GGT7: variants seen among roughly 807,000 people sequenced by gnomAD.
GGT7 encodes gamma-glutamyltransferase 7, also known as glutathione hydrolase 7.
GGT7 carries 30 observed loss-of-function variants against 69.2 expected under a neutral mutation model. That is an observed-to-expected ratio of 0.43 (90% CI 0.32 to 0.59). The LOEUF is 0.59. Among genes scored for constraint, GGT7 ranks in the 20% least tolerant of loss-of-function variants. GGT7 has a pLI of 0.05. For synonymous variants in GGT7, 388 were observed against 391.8 expected (o/e 0.99, Z 0.12); for missense variants, 733 against 901.1 (o/e 0.81, Z 2.39).
At chr20:34,864,534 A>G (rs1484743131) in intron 1 of GGT7, among the ~76,000 whole-genome samples, 1 of 151,970 alleles carries the variant, frequency 6.6e-6, no homozygotes, top group African/African-American at 2.4e-5. Flanking sequence ...CAGCCTGGCC[A>G]ACATGGTGAA....
chr20:34,862,754 G>A, intron 3 of GGT7, 60 bp downstream of exon 3: 3 of 1,534,648 alleles, frequency 2.0e-6, no homozygotes, highest in Non-Finnish European at 2.7e-6. Flanking sequence ...TGCACATGAG[G>A]CCTACAGACC....
intron 14 of GGT7, among the ~76,000 whole-genome samples, chr20:34,847,349 A>G (rs2079318105): frequency 6.6e-6 from 1 of 152,132 alleles, no homozygotes; most frequent in Admixed American, 6.6e-5. Flanking sequence ...CCTAAATAAG[A>G]CAAATCAGGT....
At chr20:34,852,812 T>C (rs1402458899) in intron 10 of GGT7, among the ~76,000 whole-genome samples, 2 of 152,252 alleles carry the variant, frequency 1.3e-5, no homozygotes, top group Non-Finnish European at 2.9e-5. Context: ...TTCTTAATCC[T>C]TTCTATGAAA....
chr20:34,857,651 T>C (rs1461824057), intron 7 of GGT7, among the ~76,000 whole-genome samples: 1 of 148,776 alleles, frequency 6.7e-6, no homozygotes, highest in African/African-American at 2.5e-5. Flanking sequence ...AGGGTCTCAT[T>C]CTGTCGCCCA....
intron 8 of GGT7, among the ~76,000 whole-genome samples, chr20:34,855,814 T>TGTGTGTGTGTGTGTGTGTGTGTGAGAGA (rs56219337): frequency 2.8e-5 from 4 of 144,518 alleles, no homozygotes; most frequent in African/African-American, 8.0e-5. Flanking sequence ...TGTGTGTGTG[T>TGTGTGTGTGTGTGTGTGTGTGTGAGAGA]GATAATGGTC....
intron 1 of GGT7, among the ~76,000 whole-genome samples, chr20:34,870,686 G>A (rs1374585389): frequency 6.6e-6 from 1 of 151,842 alleles, no homozygotes; most frequent in African/African-American, 2.4e-5. Context: ...TGGCCAGGCT[G>A]TTTTTGAACT....
chr20:34,852,132 G>A (rs1404264239), intron 12 of GGT7, 23 bp downstream of exon 12: 1 of 1,453,802 alleles, frequency 6.9e-7, no homozygotes, highest in South Asian at 1.1e-5. Context: ...GGGTCCCCAG[G>A]AAAGCAGGGA....
Position 34,870,860 on chromosome 20 carries a change from C to T in GGT7, c.169+1787G>A, listed in dbSNP as rs549503172. On this transcript the variant is annotated intron_variant, in intron 1 of 14. Transcript: ENST00000336431. Reference sequence around the variant, plus strand: ...AGGCTGGAGTGCAGTGGAGTGATCTCGGCTCACTGTAACCTCTGCCTCCCC... The same window carrying T: ...AGGCTGGAGTGCAGTGGAGTGATCTTGGCTCACTGTAACCTCTGCCTCCCC... Among the ~76,000 whole-genome samples the T allele has an allele frequency of 1.1e-4, 16 of 152,182 alleles. No individual in the cohort carries two copies. In the South Asian group the frequency reaches 2.1e-3, roughly 20 times the overall value.
rs769901103 is a variant in GGT7, at chr20:34,854,563, A to G, written c.1287T>C (p.Ser429=). 11 of 1,612,738 alleles carry G rather than the reference A, an allele frequency of 6.8e-6. No homozygotes were observed. The highest frequency in any genetic ancestry group is 5.5e-5 in the South Asian group (5 of 91,008). ...ASRLGDPVYD[S]TITESMDDML... The stretch of plus-strand genomic sequence containing the variant: ...TGTCATCCATGCTCTCAGTGATGGT[A>G]GAATCATAGACGGGATCTCCCAGTC... The change falls in exon 10 of 15, where the codon TCT becomes TCC. Residue 429 remains serine, a synonymous_variant. Coordinates refer to ENST00000336431, the MANE Select transcript of GGT7 (RefSeq NM_178026.3).
intron 1 of GGT7, 82 bp downstream of exon 1, chr20:34,872,565 G>T: frequency 1.1e-6 from 1 of 927,490 alleles, no homozygotes; most frequent in Non-Finnish European, 1.5e-6. Flanking sequence ...AGGAGATGGA[G>T]CTGGAGGTGG....
At chr20:34,872,601 C>T (rs757427428) in intron 1 of GGT7, 46 bp downstream of exon 1, 10 of 1,325,326 alleles carry the variant, frequency 7.5e-6, no homozygotes, top group Middle Eastern at 2.0e-4. Flanking sequence ...GAAGGAAGAC[C>T]GGGGACTTCC....
At chr20:34,849,683 G>A (rs1163934811) in intron 14 of GGT7, among the ~76,000 whole-genome samples, 1 of 152,180 alleles carries the variant, frequency 6.6e-6, no homozygotes, top group East Asian at 1.9e-4. Context: ...ACAAACTGTT[G>A]AGTAAATGAA....
chr20:34,853,454 C>G (rs6119534), intron 10 of GGT7, among the ~76,000 whole-genome samples: 1 of 149,358 alleles, frequency 6.7e-6, no homozygotes. Context: ...TCAACTGAGG[C>G]GGGAGGCTGA....
Position 34,859,584 on chromosome 20 carries a change from C to T in GGT7, c.873G>A (p.Thr291=), listed in dbSNP as rs747207276. The change falls in exon 7 of 15, where the codon ACG becomes ACA. Residue 291 remains threonine, a synonymous_variant. Transcript: ENST00000336431. The part of the protein sequence containing the change: ...PPNMSERFRE[T]FLPSGRPPLP... ...GTGGCGGGCGGCCCGATGGCAGGAACGTCTCCCGGAAGCGCTCGGACATGT... is the reference window on the plus strand; with the variant it reads ...GTGGCGGGCGGCCCGATGGCAGGAATGTCTCCCGGAAGCGCTCGGACATGT... The T allele has an allele frequency of 3.9e-5, 63 of 1,602,852 alleles. No homozygotes were observed. The East Asian group carries it at 1.1e-3, about 27-fold the overall frequency.
intron 1 of GGT7, among the ~76,000 whole-genome samples, chr20:34,864,558 T>G (rs1601243557): frequency 1.3e-5 from 2 of 151,798 alleles, no homozygotes; most frequent in Non-Finnish European, 1.5e-5. Context: ...CCGGCTCCAC[T>G]AAAAATACAA....
At chr20:34,869,483 G>C (rs1234139631) in intron 1 of GGT7, among the ~76,000 whole-genome samples, 1 of 152,170 alleles carries the variant, frequency 6.6e-6, no homozygotes, top group African/African-American at 2.4e-5. Context: ...AATCACCAAA[G>C]ATGTCTGAAC....
chr20:34,862,199 T>G (rs1204144587), intron 3 of GGT7, among the ~76,000 whole-genome samples: 1 of 152,208 alleles, frequency 6.6e-6, no homozygotes, highest in East Asian at 1.9e-4. Context: ...GGGAAGCAGC[T>G]TCTATTCCAC....
intron 4 of GGT7, among the ~76,000 whole-genome samples, chr20:34,860,582 G>C (rs1452426436): frequency 1.3e-5 from 2 of 151,084 alleles, no homozygotes; most frequent in South Asian, 2.1e-4. Context: ...TTAAGAGCCA[G>C]GACATAACCA....
intron 8 of GGT7, among the ~76,000 whole-genome samples, chr20:34,855,937 G>A (rs1425476839): frequency 6.6e-6 from 1 of 152,032 alleles, no homozygotes; most frequent in African/African-American, 2.4e-5. Context: ...TAGGACTATA[G>A]GTACACCACC....
Sources: gnomAD v4.1 joint callset for allele counts (sites outside exome capture counted in the v4.1 genomes callset) on GRCh38, gnomAD v4.1.1 for gene constraint, MANE v1.5 for transcripts, NCBI Gene and HGNC (gene_info 2026-07-23, HGNC 2026-07-21) for gene names.